OIT3: variants seen among roughly 807,000 people sequenced by gnomAD.
OIT3 encodes oncoprotein induced transcript 3.
A neutral mutation model predicts 52.2 loss-of-function variants in OIT3; 41 were observed. That is an observed-to-expected ratio of 0.79 (90% CI 0.61 to 1.02). The LOEUF is 1.02. Ranked by LOEUF, OIT3 falls within the 50% of genes least tolerant of loss-of-function variation. The pLI is 0.00. For synonymous variants in OIT3, 244 were observed against 276.9 expected, an observed-to-expected ratio of 0.88 and a Z score of 1.18; for missense variants, 634 against 715.5, an observed-to-expected ratio of 0.89 and a Z score of 1.30.
Position 72,932,626 on chromosome 10 carries a change from T to A in OIT3, c.*102T>A, listed in dbSNP as rs1217014642. 6.4e-6 allele frequency: 7 copies of A among 1,086,448 alleles called. No homozygotes were observed. The highest frequency in any genetic ancestry group is 4.7e-5 in the African/African-American group (3 of 63,160). 67.3% of individuals were successfully genotyped at this position (1,086,448 alleles called of 1,614,324 possible). On this transcript the variant is annotated 3_prime_UTR_variant, in exon 9 of 9. Coordinates refer to ENST00000334011, the MANE Select transcript of OIT3 (RefSeq NM_152635.3). The stretch of plus-strand genomic sequence containing the variant: ...CATCTGCCAACAGCTGGGTTCAGAC[T>A]TCACACTGTGAGTTCAGACTCCCAG...
intron 6 of OIT3, among the ~76,000 whole-genome samples, chr10:72,917,276 G>A (rs1022701895): frequency 2.0e-5 from 3 of 151,548 alleles, no homozygotes; most frequent in African/African-American, 4.8e-5. Context: ...TTGTCTTCCA[G>A]GATTTTTATA....
intron 6 of OIT3, among the ~76,000 whole-genome samples, chr10:72,915,489 G>C (rs1846064788): frequency 6.6e-6 from 1 of 152,150 alleles, no homozygotes. Context: ...TAACTGATCA[G>C]TTAACAGTCT....
chr10:72,899,377 A>G (rs1272233428), intron 2 of OIT3, among the ~76,000 whole-genome samples: 8 of 152,094 alleles, frequency 5.3e-5, no homozygotes, highest in Admixed American at 2.0e-4. Context: ...CAGGTGGATC[A>G]CAAGATCAGG....
chr10:72,911,569 T>C, intron 4 of OIT3, 148 bp from the exon 5 acceptor site: 1 of 710,358 alleles, frequency 1.4e-6, no homozygotes, highest in Non-Finnish European at 2.3e-6. Flanking sequence ...TCATAAACAT[T>C]CCTTGAGGTC....
At position 72,930,651 on chromosome 10, in the gene OIT3, C is replaced by T; in HGVS notation, c.1467+14C>T. On this transcript the variant is annotated intron_variant, in intron 8 of 8. Transcript: ENST00000334011. ...AAAGACCACAAGGTGAGTTGAACATCTTTAATTTATAACCCCTGAACCTGA... is the reference window on the plus strand; with the variant it reads ...AAAGACCACAAGGTGAGTTGAACATTTTTAATTTATAACCCCTGAACCTGA... 9.4e-7 allele frequency: 1 copy of T among 1,066,794 alleles called. No individual in the cohort carries two copies. The highest frequency in any genetic ancestry group is 1.4e-6 in the Non-Finnish European group (1 of 696,678). 66.1% of individuals were successfully genotyped at this position (1,066,794 alleles called of 1,614,324 possible).
At chr10:72,917,596 T>C in intron 6 of OIT3, 2 of 765,714 alleles carry the variant, frequency 2.6e-6, no homozygotes, top group Non-Finnish European at 4.7e-6. Flanking sequence ...AGAAATGAAA[T>C]AAGATGGAAA....
At chr10:72,900,620 A>T (rs1286009810) in intron 3 of OIT3, 136 bp downstream of exon 3, 12 of 603,044 alleles carry the variant, frequency 2.0e-5, no homozygotes, top group Non-Finnish European at 3.6e-5. Flanking sequence ...TTTTTAGTTT[A>T]TGCCTGGACC....
chr10:72,896,963 G>A (rs557931400), intron 1 of OIT3, among the ~76,000 whole-genome samples: 32 of 152,282 alleles, frequency 2.1e-4, no homozygotes, highest in African/African-American at 7.7e-4. Flanking sequence ...GGGGAGCAAT[G>A]AGAATATTGG....
chr10:72,910,423 A>G (rs892185240), intron 4 of OIT3, among the ~76,000 whole-genome samples: 1 of 152,190 alleles, frequency 6.6e-6, no homozygotes, highest in Non-Finnish European at 1.5e-5. Flanking sequence ...TGGGAGGCCG[A>G]GGCGGGTAGA....
At chr10:72,925,756 C>T (rs1006359661) in intron 7 of OIT3, among the ~76,000 whole-genome samples, 60 of 152,064 alleles carry the variant, frequency 3.9e-4, no homozygotes, top group African/African-American at 1.4e-3. Context: ...GGACCATATG[C>T]GCACGACCAT....
chr10:72,899,055 T>C lies in OIT3; in HGVS notation c.436+17T>C. On this transcript the variant is annotated intron_variant, in intron 2 of 8. Transcript: ENST00000334011. ...ACTGTGGTCGTGAGTACCTTCCCTGTGCTCTTTTTCTCCACCAACAAGGCC... is the reference window on the plus strand; with the variant it reads ...ACTGTGGTCGTGAGTACCTTCCCTGCGCTCTTTTTCTCCACCAACAAGGCC... 1 of 1,576,276 alleles carries C rather than the reference T, an allele frequency of 6.3e-7. No homozygotes were observed. The highest frequency in any genetic ancestry group is 1.2e-5 in the South Asian group (1 of 86,526).
Position 72,921,410 on chromosome 10 carries a change from C to T in OIT3, c.952-2819C>T, listed in dbSNP as rs1846120251. On this transcript the variant is annotated intron_variant, in intron 6 of 8. Transcript: ENST00000334011. ...TGTGTCTTTTAATTGGGGCATTTAG[C>T]CCATTTACATTTAAGGTTAGTATTG... 5.9e-5 allele frequency among the ~76,000 whole-genome samples: 9 copies of T among 152,222 alleles called. No homozygotes were observed. The South Asian group carries it at 1.9e-3, about 32-fold the overall frequency.
chr10:72,912,572 G>A (rs1032635648), intron 5 of OIT3, among the ~76,000 whole-genome samples: 1 of 151,902 alleles, frequency 6.6e-6, no homozygotes, highest in Non-Finnish European at 1.5e-5. Flanking sequence ...CACCTGGCCT[G>A]GAAATCTAGT....
At chr10:72,918,523 C>G (rs186817599) in intron 6 of OIT3, 2 of 1,415,560 alleles carry the variant, frequency 1.4e-6, no homozygotes, top group Non-Finnish European at 2.0e-6. Context: ...CCATGTCCAT[C>G]GAATCTTCCA....
intron 5 of OIT3, among the ~76,000 whole-genome samples, chr10:72,912,437 A>AT (rs529267573): frequency 2.0e-3 from 310 of 151,536 alleles, no homozygotes; most frequent in African/African-American, 7.3e-3. Flanking sequence ...TGCCTGGCTA[A>AT]TTTTTGCATT....
intron 8 of OIT3, 117 bp downstream of exon 8, chr10:72,930,754 G>C (rs1367446147): frequency 1.5e-6 from 1 of 647,730 alleles, no homozygotes; most frequent in Non-Finnish European, 2.7e-6. Flanking sequence ...ATGGGCTCAA[G>C]AGAAAAACAG....
chr10:72,893,798 G>A lies in OIT3; in HGVS notation c.-1G>A. On this transcript the variant is annotated 5_prime_UTR_variant, in exon 1 of 9. Transcript: ENST00000334011. ...GTGTTTCTGGCAGTTGGTCCAGAAG[G>A]ATGCCTCCATTCCTGCTTCTCACCT... The A allele has an allele frequency of 6.2e-7, 1 of 1,609,242 alleles. No homozygotes were observed. Among genetic ancestry groups the A allele is most frequent in the Non-Finnish European group, 8.5e-7 (1 of 1,177,890 alleles).
rs563792018 is a variant in OIT3 at position 72,915,028 on chromosome 10, G to A, written c.951+1560G>A. Among the ~76,000 whole-genome samples, 11 of 152,188 alleles carry A rather than the reference G, an allele frequency of 7.2e-5. No homozygotes were observed. The South Asian group carries it at 2.1e-3, about 29-fold the overall frequency. ...TTACAGGCATCTGCCACCATGCCTG[G>A]CTAATTTTTGTATCTTTAGTAGAGA... On this transcript the variant is annotated intron_variant, in intron 6 of 8. Transcript: ENST00000334011.
At chr10:72,906,536 G>T in intron 3 of OIT3, 60 bp from the exon 4 acceptor site, 2 of 1,601,620 alleles carry the variant, frequency 1.2e-6, no homozygotes, top group Non-Finnish European at 8.5e-7. Context: ...TCTGCCCGGG[G>T]GGTTGGGAAA....
Sources: gnomAD v4.1 joint callset for allele counts (sites outside exome capture counted in the v4.1 genomes callset) on GRCh38, gnomAD v4.1.1 for gene constraint, MANE v1.5 for transcripts, NCBI Gene and HGNC (gene_info 2026-07-23, HGNC 2026-07-21) for gene names.